Variants in CEP85L observed in about 807,000 individuals in gnomAD.
CEP85L encodes the protein centrosomal protein 85L, also known as centrosomal protein of 85 kDa-like.
CEP85L carries 60 observed loss-of-function variants against 100.3 expected under a neutral mutation model. The observed-to-expected ratio is 0.60, with a 90% CI of 0.49 to 0.74. The LOEUF is 0.74. Ranked by LOEUF, CEP85L falls within the 30% of genes least tolerant of loss-of-function variation. CEP85L has a pLI of 0.00. For missense variants in CEP85L, 973 were observed against 936.2 expected (o/e 1.04, Z -0.51); for synonymous variants, 319 against 322.7 (o/e 0.99, Z 0.12).
chr6:118,684,318 T>C (rs1284637838), intron 1 of CEP85L, among the ~76,000 whole-genome samples: 1 of 151,596 alleles, frequency 6.6e-6, no homozygotes, highest in African/African-American at 2.4e-5. Context: ...TGGAGCAACA[T>C]AGCAAGACCC....
chr6:118,704,174 G>T (rs560639213), intron 1 of CEP85L, among the ~76,000 whole-genome samples: 11 of 152,242 alleles, frequency 7.2e-5, no homozygotes, highest in African/African-American at 2.6e-4. Flanking sequence ...CCTACTCTGG[G>T]CTATGACATT....
intron 2 of CEP85L, among the ~76,000 whole-genome samples, chr6:118,595,304 C>A (rs959131205): frequency 1.3e-5 from 2 of 152,088 alleles, no homozygotes; most frequent in African/African-American, 4.8e-5. Context: ...TCCTTCCAAC[C>A]TGGAATTTGA....
chr6:118,542,394 A>G (rs991531415), intron 3 of CEP85L, among the ~76,000 whole-genome samples: 9 of 152,324 alleles, frequency 5.9e-5, no homozygotes, highest in African/African-American at 2.2e-4. Context: ...AGTAGTTTAA[A>G]GAAATGAATT....
chr6:118,680,568 T>C lies in CEP85L; in HGVS notation c.-27-27760A>G, dbSNP rs539914135. ...CCAGCTGGGTTTCTGTAACTAATGA[T>C]CTAACACAGCTAATAAAGACATTCT... On this transcript the variant is annotated intron_variant, in intron 1 of 13. Coordinates refer to the CEP85L transcript ENST00000368488. 2.5e-4 allele frequency among the ~76,000 whole-genome samples: 38 copies of C among 151,794 alleles called. 1 individual carries two copies. Among genetic ancestry groups the C allele is most frequent in the Admixed American group, 1.1e-3 (17 of 15,292 alleles).
Position 118,465,535 on chromosome 6 carries a change from T to C in CEP85L, c.2288A>G (p.Asp763Gly). ...MNCSAEETEN[D>G]HSTETLTKKL... ...TTTAGTGAGTGTTTCTGTGCTGTGG[T>C]CATTCTCAGTCTCTTCAGCTGAACA... is the stretch of plus-strand genomic sequence containing the variant. Residue 763 changes from aspartate (D) to glycine (G), a missense_variant, in exon 13 of 13, where the codon GAC (aspartate) becomes GGC (glycine). Physicochemically the swap from Asp to Gly is moderately conservative, Grantham distance 94. Coordinates refer to ENST00000368491, the MANE Select transcript of CEP85L (RefSeq NM_001042475.3). 1 of 1,613,492 alleles carries C rather than the reference T, an allele frequency of 6.2e-7. No homozygotes were observed.
At chr6:118,480,050 A>G in intron 9 of CEP85L, 129 bp from the exon 10 acceptor site, 1 of 597,540 alleles carries the variant, frequency 1.7e-6, no homozygotes, top group Non-Finnish European at 2.9e-6. Flanking sequence ...AAAAACTGAA[A>G]GTATCCTTAT....
At chr6:118,600,772 T>C (rs1168940257) in intron 2 of CEP85L, among the ~76,000 whole-genome samples, 1 of 150,276 alleles carries the variant, frequency 6.7e-6, no homozygotes, top group Non-Finnish European at 1.5e-5. Context: ...TTTGTCATTT[T>C]CTCCCTGCCT....
At chr6:118,520,658 T>C (rs1044139689) in intron 4 of CEP85L, among the ~76,000 whole-genome samples, 1 of 152,178 alleles carries the variant, frequency 6.6e-6, no homozygotes, top group African/African-American at 2.4e-5. Flanking sequence ...CAACTTTCTA[T>C]TCCTTAACCA....
chr6:118,497,893 A>G (rs1775021705), intron 5 of CEP85L, among the ~76,000 whole-genome samples: 1 of 152,236 alleles, frequency 6.6e-6, no homozygotes, highest in African/African-American at 2.4e-5. Context: ...TTACAGCAAC[A>G]ATGTAATCAT....
intron 2 of CEP85L, among the ~76,000 whole-genome samples, chr6:118,567,249 GTATATATATATA>G (rs57181233): frequency 4.6e-5 from 2 of 43,774 alleles, no homozygotes; most frequent in African/African-American, 1.8e-4. Flanking sequence ...GTGTGTGTGT[GTATATATATATA>G]TATATATATA....
chr6:118,667,052 G>A (rs1776154307), intron 1 of CEP85L, among the ~76,000 whole-genome samples: 1 of 152,186 alleles, frequency 6.6e-6, no homozygotes, highest in Non-Finnish European at 1.5e-5. Flanking sequence ...GACTTATTGA[G>A]TGTCCTCTAT....
intron 1 of CEP85L, among the ~76,000 whole-genome samples, chr6:118,666,215 A>G (rs1776128785): frequency 6.6e-6 from 1 of 152,150 alleles, no homozygotes; most frequent in South Asian, 2.1e-4. Context: ...TTATTATGCA[A>G]AGCATTTTAG....
intron 10 of CEP85L, among the ~76,000 whole-genome samples, chr6:118,475,200 G>C (rs1178211086): frequency 6.6e-6 from 1 of 152,038 alleles, no homozygotes; most frequent in Non-Finnish European, 1.5e-5. Context: ...GTGGATGGGG[G>C]CTTAGGGAAG....
intron 1 of CEP85L, among the ~76,000 whole-genome samples, chr6:118,696,835 G>A (rs1321420475): frequency 2.0e-5 from 3 of 152,126 alleles, no homozygotes; most frequent in Admixed American, 2.0e-4. Context: ...TGATTAGATA[G>A]CTCAACAATT....
intron 10 of CEP85L, among the ~76,000 whole-genome samples, chr6:118,478,242 T>C (rs1455884797): frequency 6.6e-6 from 1 of 152,110 alleles, no homozygotes; most frequent in Non-Finnish European, 1.5e-5. Flanking sequence ...TTTTTATAGA[T>C]ATGCCTTTTA....
At chr6:118,569,125 G>A (rs188741417) in intron 2 of CEP85L, among the ~76,000 whole-genome samples, 149 of 151,922 alleles carry the variant, frequency 9.8e-4, no homozygotes, top group African/African-American at 3.5e-3. Flanking sequence ...CGGATTACTT[G>A]AGGTCAGGAG....
At chr6:118,611,411 C>T (rs1160724025) in intron 2 of CEP85L, among the ~76,000 whole-genome samples, 1 of 152,026 alleles carries the variant, frequency 6.6e-6, no homozygotes, top group Non-Finnish European at 1.5e-5. Context: ...ACAGATGAAT[C>T]CAAATGGAAT....
chr6:118,688,027 T>G (rs913505110), intron 1 of CEP85L, among the ~76,000 whole-genome samples: 2 of 152,152 alleles, frequency 1.3e-5, no homozygotes, highest in African/African-American at 2.4e-5. Context: ...TTGGAATCCG[T>G]GAGGCCAAGA....
At chr6:118,486,789 A>G (rs1562189276) in intron 6 of CEP85L, among the ~76,000 whole-genome samples, 1 of 152,126 alleles carries the variant, frequency 6.6e-6, no homozygotes, top group Admixed American at 6.6e-5. Flanking sequence ...CCATATTTGC[A>G]TCTGTTACCA....
Sources: allele counts gnomAD v4.1 joint callset (sites outside exome capture counted in the v4.1 genomes callset), GRCh38; gene constraint gnomAD v4.1.1; transcripts MANE v1.5; gene names NCBI Gene and HGNC (gene_info 2026-07-23, HGNC 2026-07-21).